The following SPOCK1 variants were observed in gnomAD, a reference collection of about 807,000 sequenced individuals.
The protein encoded by SPOCK1 is testican-1.
SPOCK1 carries 23 observed loss-of-function variants against 55.3 expected under a neutral mutation model. The observed-to-expected ratio is 0.42, with a 90% confidence interval of 0.30 to 0.59. The LOEUF (loss-of-function observed/expected upper bound fraction) is 0.59. Among genes scored for constraint, SPOCK1 ranks in the 20% least tolerant of loss-of-function variants. SPOCK1 has a pLI of 0.22. For missense variants in SPOCK1, 499 were observed against 552.5 expected, an observed-to-expected ratio of 0.90 and a Z score of 0.97; for synonymous variants, 226 against 221.0, an observed-to-expected ratio of 1.02 and a Z score of -0.20.
intron 3 of SPOCK1, among the ~76,000 whole-genome samples, chr5:137,254,342 G>A (rs997990302): frequency 1.3e-5 from 2 of 152,124 alleles, no homozygotes; most frequent in Admixed American, 1.3e-4. Context: ...TGAAACTCCT[G>A]TATGTACGCA....
At chr5:137,436,097 GC>G (rs1752859373) in intron 2 of SPOCK1, among the ~76,000 whole-genome samples, 1 of 152,138 alleles carries the variant, frequency 6.6e-6, no homozygotes, top group African/African-American at 2.4e-5. Context: ...GGTGGAGGTT[GC>G]GGTGAGCCAG....
chr5:137,356,838 T>TAGAGAGAGAG (rs1177060339), intron 2 of SPOCK1, among the ~76,000 whole-genome samples: 109 of 5,442 alleles, frequency 0.02, 13 homozygotes, highest in East Asian at 0.023. Context: ...TATATATATA[T>TAGAGAGAGAG]AGAGAGAGAG....
intron 2 of SPOCK1, among the ~76,000 whole-genome samples, chr5:137,402,131 G>A (rs953384604): frequency 1.1e-4 from 17 of 152,092 alleles, no homozygotes; most frequent in Admixed American, 6.5e-5. Flanking sequence ...AAAAAGCCAG[G>A]GAAGACAGGT....
chr5:137,426,410 G>A (rs921423905), intron 2 of SPOCK1, among the ~76,000 whole-genome samples: 3 of 152,174 alleles, frequency 2.0e-5, no homozygotes, highest in African/African-American at 4.8e-5. Context: ...CTCAGGTACG[G>A]TATACTCTTT....
chr5:137,085,588 A>C (rs1364374302), intron 5 of SPOCK1, among the ~76,000 whole-genome samples: 1 of 152,192 alleles, frequency 6.6e-6, no homozygotes, highest in East Asian at 1.9e-4. Flanking sequence ...CACCTTTTGC[A>C]AGGGAATGAA....
chr5:137,327,270 G>T (rs1199096761), intron 2 of SPOCK1, among the ~76,000 whole-genome samples: 1 of 152,142 alleles, frequency 6.6e-6, no homozygotes, highest in Admixed American at 6.5e-5. Flanking sequence ...AGTGCCAGCT[G>T]TAGTTATTAT....
At chr5:137,411,776 G>C (rs1174542988) in intron 2 of SPOCK1, among the ~76,000 whole-genome samples, 1 of 152,164 alleles carries the variant, frequency 6.6e-6, no homozygotes, top group East Asian at 1.9e-4. Flanking sequence ...CAAAGTGCAG[G>C]AAGTTAAATA....
At chr5:137,436,408 G>C (rs563505282) in intron 2 of SPOCK1, among the ~76,000 whole-genome samples, 10 of 152,094 alleles carry the variant, frequency 6.6e-5, no homozygotes, top group African/African-American at 2.2e-4. Context: ...CCTCCATCAT[G>C]TACTAAACCC....
intron 6 of SPOCK1, among the ~76,000 whole-genome samples, chr5:137,056,239 G>A (rs553508399): frequency 6.6e-6 from 1 of 152,122 alleles, no homozygotes; most frequent in Admixed American, 6.6e-5. Flanking sequence ...GTGAGGGGAC[G>A]CTGTTGCAGC....
At chr5:137,133,191 A>G (rs1300232703) in intron 4 of SPOCK1, among the ~76,000 whole-genome samples, 4 of 152,006 alleles carry the variant, frequency 2.6e-5, no homozygotes, top group Non-Finnish European at 4.4e-5. Context: ...AACACAGCGA[A>G]ACCCCACCTC....
At chr5:137,056,400 G>A (rs115209752) in intron 6 of SPOCK1, among the ~76,000 whole-genome samples, 2,311 of 152,038 alleles carry the variant, frequency 0.015, 53 homozygotes, top group African/African-American at 0.053. Context: ...GGAGTAAGGG[G>A]ACATGATGCC....
chr5:137,048,968 C>A (rs1423822916), intron 6 of SPOCK1, among the ~76,000 whole-genome samples: 3 of 133,458 alleles, frequency 2.2e-5, no homozygotes, highest in Non-Finnish European at 4.8e-5. Context: ...GAATATTGGC[C>A]CCCATTCTCT....
chr5:137,418,496 T>A (rs1752400591), intron 2 of SPOCK1, among the ~76,000 whole-genome samples: 1 of 152,134 alleles, frequency 6.6e-6, no homozygotes, highest in South Asian at 2.1e-4. Flanking sequence ...TGATCGCCAT[T>A]CTAACTGGTG....
intron 2 of SPOCK1, among the ~76,000 whole-genome samples, chr5:137,385,137 C>T (rs1751572943): frequency 6.6e-6 from 1 of 152,210 alleles, no homozygotes; most frequent in South Asian, 2.1e-4. Context: ...TCCAGGAAGC[C>T]TTCCTAATAC....
chr5:137,293,089 A>ATTTTTTTTTTTTTTTT (rs531537488), intron 2 of SPOCK1, among the ~76,000 whole-genome samples: 8 of 100,850 alleles, frequency 7.9e-5, no homozygotes, highest in Admixed American at 1.0e-4. Context: ...GGTTTGTTGA[A>ATTTTTTTTTTTTTTTT]TTTTTTTTTT....
At chr5:137,410,865 A>C (rs1580910879) in intron 2 of SPOCK1, among the ~76,000 whole-genome samples, 1 of 152,170 alleles carries the variant, frequency 6.6e-6, no homozygotes, top group African/African-American at 2.4e-5. Context: ...GGGAGGGAGG[A>C]GGGGATGCAA....
intron 2 of SPOCK1, among the ~76,000 whole-genome samples, chr5:137,482,914 C>A (rs182704799): frequency 7.0e-4 from 107 of 152,314 alleles, no homozygotes; most frequent in African/African-American, 2.5e-3. Context: ...TTTACTGTAA[C>A]TCATAGGTAA....
chr5:137,042,023 A>G (rs1287179151), intron 6 of SPOCK1, among the ~76,000 whole-genome samples: 1 of 152,222 alleles, frequency 6.6e-6, no homozygotes, highest in Non-Finnish European at 1.5e-5. Flanking sequence ...ACCTTTATTC[A>G]TAAACACCAA....
Position 137,203,356 on chromosome 5 carries a change from G to T in SPOCK1, c.233-62662C>A, listed in dbSNP as rs75674305. ...TGAGATCTTCACTGATAAGGTTCAC[G>T]AGAGCTTCAGCATCACCACCCAGGT... On this transcript the variant is annotated intron_variant, in intron 3 of 10. Transcript: ENST00000394945. Among the ~76,000 whole-genome samples, 77 of 152,128 alleles carry T rather than the reference G, an allele frequency of 5.1e-4. 1 individual carries two copies. In the East Asian group the frequency reaches 0.014, roughly 28 times the overall value.
Sources: allele counts gnomAD v4.1 joint callset (sites outside exome capture counted in the v4.1 genomes callset), GRCh38; gene constraint gnomAD v4.1.1; transcripts MANE v1.5; gene names NCBI Gene and HGNC (gene_info 2026-07-23, HGNC 2026-07-21).